Variants in SGCZ observed in about 807,000 individuals in gnomAD.
SGCZ encodes zeta-sarcoglycan.
In SGCZ, 40 loss-of-function variants were observed where a neutral mutation model predicts 41.3. That is an observed-to-expected ratio of 0.97 (90% CI 0.75 to 1.26). The LOEUF (loss-of-function observed/expected upper bound fraction) is 1.26, where lower values mean the gene tolerates loss of function less well. Ranked by LOEUF, SGCZ falls within the 50% of genes most tolerant of loss-of-function variation. The probability of loss-of-function intolerance (pLI) is 0.00; values close to 1 mark genes in which losing one functional copy is unlikely to be tolerated. For missense variants in SGCZ, 552 were observed against 369.8 expected, an observed-to-expected ratio of 1.49 and a Z score of -4.04; for synonymous variants, 206 against 137.5, an observed-to-expected ratio of 1.50 and a Z score of -3.49.
intron 2 of SGCZ, among the ~76,000 whole-genome samples, chr8:14,357,609 T>C (rs992032661): frequency 6.6e-6 from 1 of 152,170 alleles, no homozygotes; most frequent in Non-Finnish European, 1.5e-5. Flanking sequence ...TAACAACTAC[T>C]TAACATCAAC....
chr8:14,137,356 G>A (rs1803231261), intron 5 of SGCZ, among the ~76,000 whole-genome samples: 2 of 152,358 alleles, frequency 1.3e-5, no homozygotes, highest in South Asian at 4.1e-4. Context: ...GTAGGCTTCA[G>A]AAGATCAGTA....
intron 1 of SGCZ, among the ~76,000 whole-genome samples, chr8:14,846,703 C>CAAAAAA (rs56796907): frequency 9.8e-4 from 19 of 19,326 alleles, no homozygotes; most frequent in South Asian, 2.5e-3. Context: ...CCTTTAAATC[C>CAAAAAA]AAAAAAAAAA....
chr8:14,567,822 C>G (rs1430217948), intron 1 of SGCZ, among the ~76,000 whole-genome samples: 2 of 152,152 alleles, frequency 1.3e-5, no homozygotes, highest in Non-Finnish European at 2.9e-5. Context: ...ACCTTAAGAG[C>G]TGTAACACTC....
rs147251336 is a variant in SGCZ at position 14,474,544 on chromosome 8, T to C, written c.234+80188A>G. Among the ~76,000 whole-genome samples, 11 of 152,324 alleles carry C rather than the reference T, an allele frequency of 7.2e-5. No individual in the cohort carries two copies. The East Asian group carries it at 9.7e-4, about 13-fold the overall frequency. ...AATGTTTAGTCATGGTTTTACTTTG[T>C]AGAGCGCTCCATGAATTAATTTCAA... On this transcript the variant is annotated intron_variant, in intron 2 of 7. Transcript: ENST00000382080.
chr8:14,998,255 C>G (rs1017275699), intron 1 of SGCZ, among the ~76,000 whole-genome samples: 2 of 152,086 alleles, frequency 1.3e-5, no homozygotes, highest in Non-Finnish European at 2.9e-5. Flanking sequence ...ATGAATAAAC[C>G]GTTAAGAATA....
At chr8:14,210,306 G>A (rs1025456543) in intron 4 of SGCZ, among the ~76,000 whole-genome samples, 1 of 152,080 alleles carries the variant, frequency 6.6e-6, no homozygotes, top group Non-Finnish European at 1.5e-5. Flanking sequence ...TGATCCACCT[G>A]CCTCGGCCTC....
intron 1 of SGCZ, among the ~76,000 whole-genome samples, chr8:15,191,631 A>T (rs1230145058): frequency 6.6e-6 from 1 of 152,084 alleles, no homozygotes; most frequent in African/African-American, 2.4e-5. Flanking sequence ...AGAAATACAT[A>T]GAGAAAACAG....
chr8:14,923,579 C>G (rs905438006), intron 1 of SGCZ, among the ~76,000 whole-genome samples: 1 of 152,076 alleles, frequency 6.6e-6, no homozygotes, highest in African/African-American at 2.4e-5. Context: ...TTAAAAATCA[C>G]TTCAAGATTT....
At chr8:14,759,194 G>A (rs1427586489) in intron 1 of SGCZ, among the ~76,000 whole-genome samples, 1 of 151,976 alleles carries the variant, frequency 6.6e-6, no homozygotes, top group Non-Finnish European at 1.5e-5. Context: ...ATCTATGCAT[G>A]TATATTACTC....
At chr8:14,796,611 A>G (rs151190776) in intron 1 of SGCZ, among the ~76,000 whole-genome samples, 40 of 152,266 alleles carry the variant, frequency 2.6e-4, no homozygotes, top group African/African-American at 9.4e-4. Flanking sequence ...GGAATCTGGT[A>G]CCTTAAACCA....
intron 1 of SGCZ, among the ~76,000 whole-genome samples, chr8:14,910,492 T>A (rs931170416): frequency 1.3e-5 from 2 of 151,980 alleles, no homozygotes; most frequent in Non-Finnish European, 1.5e-5. Flanking sequence ...TCTGTTTTTT[T>A]TAAATGTACA....
intron 1 of SGCZ, among the ~76,000 whole-genome samples, chr8:14,786,464 G>A (rs1221576590): frequency 1.3e-5 from 2 of 151,958 alleles, no homozygotes; most frequent in African/African-American, 4.8e-5. Flanking sequence ...TTTTATCATG[G>A]TTCAGTTTTA....
At chr8:14,312,140 T>C (rs2117001102) in intron 3 of SGCZ, among the ~76,000 whole-genome samples, 1 of 152,278 alleles carries the variant, frequency 6.6e-6, no homozygotes, top group East Asian at 1.9e-4. Context: ...TCTTTATACG[T>C]ATATGTATAC....
At chr8:14,316,182 G>T (rs117509559) in intron 3 of SGCZ, among the ~76,000 whole-genome samples, 1 of 151,812 alleles carries the variant, frequency 6.6e-6, no homozygotes, top group Non-Finnish European at 1.5e-5. Context: ...GTCTCTCAAT[G>T]AATAGATTTA....
At chr8:14,202,364 T>C (rs1310764952) in intron 4 of SGCZ, among the ~76,000 whole-genome samples, 1 of 152,160 alleles carries the variant, frequency 6.6e-6, no homozygotes, top group African/African-American at 2.4e-5. Context: ...GAGACCCATT[T>C]AGATTCTGAC....
chr8:14,159,442 A>G (rs1803976106), intron 5 of SGCZ, among the ~76,000 whole-genome samples: 1 of 152,200 alleles, frequency 6.6e-6, no homozygotes. Context: ...TTTTGTGAAG[A>G]TGGCATTCTT....
intron 1 of SGCZ, among the ~76,000 whole-genome samples, chr8:15,236,986 C>T (rs1370115115): frequency 6.6e-6 from 1 of 152,284 alleles, no homozygotes; most frequent in Admixed American, 6.5e-5. Context: ...AGCGGGGGTA[C>T]CTCTCCAGCC....
intron 1 of SGCZ, among the ~76,000 whole-genome samples, chr8:14,679,351 TC>T: frequency 6.6e-6 from 1 of 152,096 alleles, no homozygotes; most frequent in African/African-American, 2.4e-5. Flanking sequence ...AGATGACAAC[TC>T]TATGCCTGTT....
At chr8:15,221,061 T>G (rs1413499641) in intron 1 of SGCZ, among the ~76,000 whole-genome samples, 3 of 151,808 alleles carry the variant, frequency 2.0e-5, no homozygotes, top group African/African-American at 7.3e-5. Flanking sequence ...ATACCTAATG[T>G]AAAGGACAAG....
Sources: allele counts gnomAD v4.1 joint callset (sites outside exome capture counted in the v4.1 genomes callset), GRCh38; gene constraint gnomAD v4.1.1; transcripts MANE v1.5; gene names NCBI Gene and HGNC (gene_info 2026-07-23, HGNC 2026-07-21).